SEC63: variants seen among roughly 807,000 people sequenced by gnomAD.
The protein encoded by SEC63 is translocation protein SEC63 homolog.
A neutral mutation model predicts 116.2 loss-of-function variants in SEC63; 56 were observed. The observed-to-expected ratio is 0.48, with a 90% CI of 0.39 to 0.60. SEC63 has a LOEUF of 0.60. Among genes scored for constraint, SEC63 ranks in the 20% least tolerant of loss-of-function variants. The pLI is 0.00. For synonymous variants in SEC63, 273 were observed against 294.6 expected (o/e 0.93, Z 0.75); for missense variants, 668 against 900.0 (o/e 0.74, Z 3.30).
intron 3 of SEC63, among the ~76,000 whole-genome samples, chr6:107,923,738 C>T (rs1339480802): frequency 2.0e-5 from 3 of 150,600 alleles, no homozygotes; most frequent in Non-Finnish European, 4.4e-5. Flanking sequence ...ACTATGTTGC[C>T]CAAACTCCTG....
chr6:107,956,036 TC>T (rs1284634186), intron 1 of SEC63: 8 of 410,752 alleles, frequency 1.9e-5, no homozygotes, highest in Non-Finnish European at 4.0e-5. Context: ...GGCCAGCTAC[TC>T]GGGGGGCTGA....
rs1378797197 is a variant in SEC63 at position 107,893,389 on chromosome 6, T to C, written c.1674+93A>G. 6 of 1,259,512 alleles carry C rather than the reference T, an allele frequency of 4.8e-6. No homozygotes were observed. In the East Asian group the frequency reaches 9.5e-5, roughly 20 times the overall value. The allele number at this position is 1,259,512 out of a possible 1,614,324, so 78.0% of individuals were successfully genotyped here. Reference sequence around the variant, plus strand: ...TAGGGTATCACGGGTGCATAAATTATGTAAAACTTTTGAAGCTGTACACGT... The same window carrying C: ...TAGGGTATCACGGGTGCATAAATTACGTAAAACTTTTGAAGCTGTACACGT... On this transcript the variant is annotated intron_variant, in intron 16 of 20. Coordinates refer to ENST00000369002, the MANE Select transcript of SEC63 (RefSeq NM_007214.5).
At chr6:107,911,593 T>C (rs1787285415) in intron 6 of SEC63, among the ~76,000 whole-genome samples, 197 bp from the exon 7 acceptor site, 1 of 152,240 alleles carries the variant, frequency 6.6e-6, no homozygotes. Flanking sequence ...AAACCTGCAG[T>C]ACACATGGGT....
chr6:107,876,784 C>CA lies in SEC63; in HGVS notation c.1936-123dup, dbSNP rs1292694201. ...CTCTGCACTGACAAACTGCTTGGTA[C>CA]AAAATAGGTATTCAAATGAATATTT... On this transcript the variant is annotated intron_variant, in intron 18 of 20. Transcript: ENST00000369002. 35 of 670,894 alleles carry CA rather than the reference C, an allele frequency of 5.2e-5. 1 individual carries two copies. The highest frequency in any genetic ancestry group is 3.3e-4 in the African/African-American group (18 of 54,626). 41.6% of individuals were successfully genotyped at this position (670,894 alleles called of 1,614,324 possible).
intron 19 of SEC63, 41 bp from the exon 20 acceptor site, chr6:107,872,953 GAGGAAA>G (rs1786169001): frequency 4.7e-6 from 6 of 1,285,948 alleles, no homozygotes; most frequent in Middle Eastern, 1.8e-4. Flanking sequence ...GTATTATGGG[GAGGAAA>G]CAGCTCACTC....
intron 1 of SEC63, 52 bp from the exon 2 acceptor site, chr6:107,929,566 G>A (rs1299226585): frequency 1.9e-6 from 2 of 1,067,346 alleles, no homozygotes; most frequent in Non-Finnish European, 2.9e-6. Flanking sequence ...CACAAGTGAA[G>A]GTAAAACCAG....
intron 1 of SEC63, among the ~76,000 whole-genome samples, chr6:107,929,760 G>A (rs1231320673): frequency 1.3e-5 from 2 of 152,134 alleles, no homozygotes; most frequent in East Asian, 3.9e-4. Context: ...GAGACTTAAT[G>A]AAAACACAAA....
chr6:107,894,304 C>A (rs1786763954), intron 14 of SEC63, among the ~76,000 whole-genome samples: 1 of 152,114 alleles, frequency 6.6e-6, no homozygotes, highest in Admixed American at 6.5e-5. Flanking sequence ...AACAAAAAAA[C>A]CCTTGAGACT....
chr6:107,897,679 C>T lies in SEC63; in HGVS notation c.1410G>A (p.Val470=). The T allele has an allele frequency of 6.2e-7, 1 of 1,609,622 alleles. No homozygotes were observed. The highest frequency in any genetic ancestry group is 8.5e-7 in the Non-Finnish European group (1 of 1,176,128). ...TTGTTTGCCTTGTCAACTTAACCAA[C>T]ACTGTAACTAAGGATCCTACTGTGA... ...NNITVGSLVT[V]LVKLTRQTMA... is the part of the protein sequence containing the mutation. The change falls in exon 14 of 21, where the codon GTG becomes GTA. Residue 470 remains valine, a synonymous_variant. Coordinates refer to ENST00000369002, the MANE Select transcript of SEC63 (RefSeq NM_007214.5).
intron 20 of SEC63, 104 bp downstream of exon 20, chr6:107,872,702 TTC>T (rs1384054198): frequency 1.5e-5 from 11 of 728,826 alleles, no homozygotes; most frequent in Admixed American, 9.0e-5. Flanking sequence ...ATGAGATGAC[TTC>T]TTTTTCCTTC....
chr6:107,927,894 T>C (rs1024333062), intron 2 of SEC63, among the ~76,000 whole-genome samples: 5 of 152,224 alleles, frequency 3.3e-5, no homozygotes, highest in African/African-American at 1.2e-4. Context: ...TTACACTGTA[T>C]TTTCATTTAT....
intron 14 of SEC63, 149 bp from the exon 15 acceptor site, chr6:107,894,046 G>A: frequency 1.2e-6 from 1 of 818,096 alleles, no homozygotes. Flanking sequence ...ATTACTAGCT[G>A]ATGAATGTGT....
rs141239365 is a variant in SEC63, at chr6:107,912,350, A to T, written c.573+366T>A. On this transcript the variant is annotated intron_variant, in intron 6 of 20. Transcript: ENST00000369002. ...AACATGGTGGGAGGCTGAGGCAGGC[A>T]GATAACTTGAGGTCAGGAGTTTGAG... Among the ~76,000 whole-genome samples the T allele has an allele frequency of 8.1e-4, 123 of 152,320 alleles. No individual in the cohort carries two copies. In the Middle Eastern group the frequency reaches 0.014, roughly 17 times the overall value.
intron 1 of SEC63, among the ~76,000 whole-genome samples, chr6:107,956,932 AGTT>A (rs1189287325): frequency 3.3e-5 from 5 of 152,212 alleles, no homozygotes; most frequent in African/African-American, 1.2e-4. Context: ...GCTTTCCCTA[AGTT>A]GTTAATACTC....
rs147344101 is a variant in SEC63, at chr6:107,905,094, G to A, written c.962-373C>T. Among the ~76,000 whole-genome samples the A allele has an allele frequency of 7.2e-5, 11 of 152,274 alleles. No homozygotes were observed. In the East Asian group the frequency reaches 1.4e-3, roughly 19 times the overall value. ...AAATACAGGGGGAGAGATAAGAGAC[G>A]TAGAAGAGAAGAAGAGGGCAACTTA... is the stretch of plus-strand genomic sequence containing the variant. On this transcript the variant is annotated intron_variant, in intron 10 of 20. Transcript: ENST00000369002.
intron 1 of SEC63, among the ~76,000 whole-genome samples, chr6:107,947,775 A>G (rs1442783491): frequency 6.6e-6 from 1 of 152,096 alleles, no homozygotes; most frequent in African/African-American, 2.4e-5. Flanking sequence ...TCTCTTTCTA[A>G]TCTGACCACC....
At chr6:107,931,212 C>T (rs188966696) in intron 1 of SEC63, among the ~76,000 whole-genome samples, 58 of 151,828 alleles carry the variant, frequency 3.8e-4, no homozygotes, top group East Asian at 2.3e-3. Flanking sequence ...TGTGGTGGCG[C>T]GTGCCTGTAA....
rs572500410 is a variant in SEC63, at chr6:107,937,158, T to C, written c.125-7644A>G. The stretch of plus-strand genomic sequence containing the variant: ...TTTTTTTGAGACAGAGTTTTGCTCT[T>C]GTTGCCCAGGCTGGAGTGCAATGGC... On this transcript the variant is annotated intron_variant, in intron 1 of 20. Coordinates refer to ENST00000369002, the MANE Select transcript of SEC63 (RefSeq NM_007214.5). Among the ~76,000 whole-genome samples, 16 of 143,910 alleles carry C rather than the reference T, an allele frequency of 1.1e-4. No homozygotes were observed. The East Asian group carries it at 3.2e-3, about 29-fold the overall frequency. 94.4% of individuals were successfully genotyped at this position (143,910 alleles called of 152,430 possible).
At chr6:107,894,210 G>T (rs772001354) in intron 14 of SEC63, among the ~76,000 whole-genome samples, 2 of 152,260 alleles carry the variant, frequency 1.3e-5, no homozygotes, top group South Asian at 4.1e-4. Flanking sequence ...AGCAAACGTT[G>T]AGTATTTTAA....
Sources: gnomAD v4.1 joint callset for allele counts (sites outside exome capture counted in the v4.1 genomes callset) on GRCh38, gnomAD v4.1.1 for gene constraint, MANE v1.5 for transcripts, NCBI Gene and HGNC (gene_info 2026-07-23, HGNC 2026-07-21) for gene names.